Variants in NRG1 observed in about 807,000 individuals in gnomAD.
NRG1 encodes neuregulin 1, also known as pro-neuregulin-1, membrane-bound isoform.
NRG1 carries 18 observed loss-of-function variants against 63.8 expected under a neutral mutation model. The observed-to-expected ratio is 0.28, with a 90% confidence interval of 0.19 to 0.42. NRG1 has a LOEUF of 0.42. Among genes scored for constraint, NRG1 ranks in the 10% least tolerant of loss-of-function variants. The pLI is 1.00. For synonymous variants in NRG1, 302 were observed against 301.3 expected, an observed-to-expected ratio of 1.00 and a Z score of -0.02; for missense variants, 762 against 814.7, an observed-to-expected ratio of 0.94 and a Z score of 0.79.
chr8:32,492,134 A>G (rs535312684), intron 1 of NRG1, among the ~76,000 whole-genome samples: 2 of 152,294 alleles, frequency 1.3e-5, no homozygotes, highest in African/African-American at 4.8e-5. Context: ...AAAGAAAAAA[A>G]AAAACATTTT....
intron 1 of NRG1, among the ~76,000 whole-genome samples, chr8:32,496,340 T>C (rs1462143387): frequency 2.0e-5 from 3 of 152,198 alleles, no homozygotes; most frequent in East Asian, 1.9e-4. Flanking sequence ...TGGCCAGTTA[T>C]GGTGGCTCAC....
chr8:31,962,290 T>C (rs55861298), intron 1 of NRG1, among the ~76,000 whole-genome samples: 5,573 of 152,264 alleles, frequency 0.037, 357 homozygotes, highest in African/African-American at 0.13. Context: ...GTGACTGACC[T>C]AGAGTTACGG....
intron 1 of NRG1, among the ~76,000 whole-genome samples, chr8:31,739,400 T>A (rs1815037200): frequency 6.6e-6 from 1 of 152,148 alleles, no homozygotes; most frequent in African/African-American, 2.4e-5. Flanking sequence ...TCAGCTCTCC[T>A]TTCCCTTTTG....
At chr8:32,454,812 C>G (rs113372107) in intron 1 of NRG1, among the ~76,000 whole-genome samples, 16,374 of 152,218 alleles carry the variant, frequency 0.11, 1,168 homozygotes, top group South Asian at 0.17. Context: ...CACATTCACT[C>G]ACCACTCACT....
intron 1 of NRG1, among the ~76,000 whole-genome samples, chr8:32,124,169 C>T (rs569473722): frequency 6.6e-6 from 1 of 152,052 alleles, no homozygotes; most frequent in African/African-American, 2.4e-5. Flanking sequence ...ACTTTAACTT[C>T]AAAGCTCTTC....
chr8:32,191,888 C>T (rs1056990498), intron 1 of NRG1: 1 of 152,236 alleles, frequency 6.6e-6, no homozygotes, highest in African/African-American at 2.4e-5. Context: ...CAGACCTGGC[C>T]TCAGAGTACA....
At chr8:32,659,049 A>G (rs1444138220) in intron 5 of NRG1, among the ~76,000 whole-genome samples, 1 of 152,036 alleles carries the variant, frequency 6.6e-6, no homozygotes, top group Non-Finnish European at 1.5e-5. Flanking sequence ...GCGCAGATTT[A>G]GGGGAGCTGA....
At position 32,177,279 on chromosome 8, in the gene NRG1, G is replaced by A. The variant is rs1840880285; in HGVS notation, c.38-418549G>A. ...CACTCATAGGTGGGAATTGAACAAT[G>A]AGAACACATGGACACGGGAAGGGGA... On this transcript the variant is annotated intron_variant, in intron 1 of 10. Coordinates refer to the NRG1 transcript ENST00000519301. 1.3e-5 allele frequency among the ~76,000 whole-genome samples: 2 copies of A among 148,324 alleles called. 1 individual carries two copies. The highest frequency in any genetic ancestry group is 4.3e-4 in the East Asian group (2 of 4,702).
chr8:32,544,679 C>CTTTTTTTTTTTTT (rs755780220), upstream of NRG1, among the ~76,000 whole-genome samples: 1 of 80,434 alleles, frequency 1.2e-5, no homozygotes, highest in Admixed American at 1.7e-4. Context: ...ATTTTTGTAT[C>CTTTTTTTTTTTTT]TTTTTTTTTT....
intron 1 of NRG1, among the ~76,000 whole-genome samples, chr8:32,026,901 CCTT>C (rs1817468124): frequency 6.6e-6 from 1 of 151,924 alleles, no homozygotes; most frequent in South Asian, 2.1e-4. Flanking sequence ...GCTTTTATCT[CCTT>C]ATCTGTTCAT....
intron 10 of NRG1, 57 bp downstream of exon 10, chr8:32,759,493 C>T: frequency 6.4e-7 from 1 of 1,573,470 alleles, no homozygotes; most frequent in Non-Finnish European, 8.7e-7. Flanking sequence ...TTGCACATTG[C>T]CTTTTGATAT....
chr8:32,417,145 T>C (rs987487284), intron 1 of NRG1, among the ~76,000 whole-genome samples: 1 of 152,152 alleles, frequency 6.6e-6, no homozygotes, highest in Admixed American at 6.5e-5. Context: ...CTATTAATAT[T>C]ACTAGAGAAG....
At chr8:32,529,882 T>C (rs573946863) in intron 1 of NRG1, among the ~76,000 whole-genome samples, 27 of 152,052 alleles carry the variant, frequency 1.8e-4, no homozygotes, top group South Asian at 1.2e-3. Context: ...GTAGAAGGAG[T>C]GCACTTAAAA....
At chr8:32,545,239 G>C (rs7817936), upstream of NRG1, among the ~76,000 whole-genome samples, 196 of 150,148 alleles carry the variant, frequency 1.3e-3, 2 homozygotes, top group African/African-American at 3.4e-3. Context: ...AAATGTAGTG[G>C]CACACGATTG....
intron 2 of NRG1, among the ~76,000 whole-genome samples, chr8:32,596,965 G>A (rs1843472171): frequency 6.6e-6 from 1 of 151,726 alleles, no homozygotes; most frequent in Admixed American, 6.6e-5. Context: ...GATGCATTCT[G>A]TATCTACTCT....
chr8:31,955,250 C>T (rs1288998926), intron 1 of NRG1, among the ~76,000 whole-genome samples: 1 of 152,086 alleles, frequency 6.6e-6, no homozygotes, highest in African/African-American at 2.4e-5. Context: ...AGCAAATCCA[C>T]AATAAAATAA....
intron 1 of NRG1, among the ~76,000 whole-genome samples, chr8:32,512,314 A>G (rs1292870654): frequency 6.6e-6 from 1 of 152,248 alleles, no homozygotes; most frequent in Non-Finnish European, 1.5e-5. Flanking sequence ...CAGCTATATA[A>G]TTTAGCCATT....
At chr8:32,102,313 T>C (rs994801954) in intron 1 of NRG1, among the ~76,000 whole-genome samples, 2 of 152,094 alleles carry the variant, frequency 1.3e-5, no homozygotes, top group Non-Finnish European at 1.5e-5. Context: ...AATTTTTGTA[T>C]GTTTTGTAGA....
chr8:32,312,330 A>ATTTTTTT lies in NRG1; in HGVS notation c.38-283480_38-283474dup, dbSNP rs4035492. On this transcript the variant is annotated intron_variant, in intron 1 of 10. Transcript: ENST00000519301. ...AGGCGCAAGCCACCATGCCCAGCTA[A>ATTTTTTT]TTTTTTTTTTTTTTTTTTTTTTTTA... Among the ~76,000 whole-genome samples the ATTTTTTT allele has an allele frequency of 9.6e-3, 853 of 89,128 alleles. 33 individuals are homozygous for ATTTTTTT. Among genetic ancestry groups the ATTTTTTT allele is most frequent in the Non-Finnish European group, 0.014 (708 of 51,024 alleles). The allele number at this position is 89,128 out of a possible 152,430, so 58.5% of individuals were successfully genotyped here.
Sources: allele counts gnomAD v4.1 joint callset (sites outside exome capture counted in the v4.1 genomes callset), GRCh38; gene constraint gnomAD v4.1.1; transcripts MANE v1.5; gene names NCBI Gene and HGNC (gene_info 2026-07-23, HGNC 2026-07-21).